Variants in LRRC4C observed in about 807,000 individuals in gnomAD.
LRRC4C encodes leucine-rich repeat-containing protein 4C.
In LRRC4C, 5 loss-of-function variants were observed where a neutral mutation model predicts 33.6. The observed-to-expected ratio is 0.15, with a 90% CI of 0.08 to 0.31. The LOEUF is 0.31. Among genes scored for constraint, LRRC4C ranks in the 10% least tolerant of loss-of-function variants. The pLI is 1.00. For synonymous variants in LRRC4C, 329 were observed against 302.0 expected, an observed-to-expected ratio of 1.09 and a Z score of -0.93; for missense variants, 560 against 796.7, an observed-to-expected ratio of 0.70 and a Z score of 3.58.
In LRRC4C at chr11:40,455,701, A is replaced by C. The variant is rs1246881541; in HGVS notation, c.-269-135980T>G. ...GCAGACATTGTTGCCTTCAGAATTC[A>C]TCAAAACCATGTATGTGTCTCTGCT... On this transcript the variant is annotated intron_variant, in intron 3 of 6. Transcript: ENST00000528697. Among the ~76,000 whole-genome samples, 4 of 152,132 alleles carry C rather than the reference A, an allele frequency of 2.6e-5. No homozygotes were observed. In the South Asian group the frequency reaches 6.2e-4, roughly 24 times the overall value.
intron 3 of LRRC4C, among the ~76,000 whole-genome samples, chr11:40,322,191 A>G (rs1945881773): frequency 1.3e-5 from 2 of 152,298 alleles, no homozygotes; most frequent in Admixed American, 6.5e-5. Context: ...CCAGCTTCTC[A>G]ATGGTAGCAC....
chr11:40,296,964 G>A (rs1008457834), intron 4 of LRRC4C, among the ~76,000 whole-genome samples: 4 of 152,122 alleles, frequency 2.6e-5, no homozygotes, highest in Non-Finnish European at 4.4e-5. Flanking sequence ...TTTGTTCTAC[G>A]GACATGCAGA....
chr11:41,398,537 G>C (rs911826690), intron 1 of LRRC4C, among the ~76,000 whole-genome samples: 4 of 151,838 alleles, frequency 2.6e-5, no homozygotes, highest in African/African-American at 9.7e-5. Context: ...ATGCAAACAG[G>C]AATGGTTTCC....
At chr11:40,344,171 TA>T (rs1947012507) in intron 3 of LRRC4C, among the ~76,000 whole-genome samples, 1 of 152,078 alleles carries the variant, frequency 6.6e-6, no homozygotes, top group South Asian at 2.1e-4. Flanking sequence ...ATCATCTTGA[TA>T]CCAAAACCTG....
chr11:41,456,976 G>A (rs1956188749), intron 1 of LRRC4C, among the ~76,000 whole-genome samples: 1 of 152,168 alleles, frequency 6.6e-6, no homozygotes. Context: ...AGAAAATCCT[G>A]AGTTGGCCCC....
At chr11:40,786,597 C>T (rs1262522803) in intron 2 of LRRC4C, among the ~76,000 whole-genome samples, 1 of 152,144 alleles carries the variant, frequency 6.6e-6, no homozygotes, top group African/African-American at 2.4e-5. Flanking sequence ...GCTACTACCA[C>T]AGTAGGATTC....
intron 1 of LRRC4C, among the ~76,000 whole-genome samples, chr11:41,075,497 T>C (rs982116669): frequency 2.0e-5 from 3 of 152,110 alleles, no homozygotes; most frequent in Admixed American, 6.6e-5. Context: ...ACCTCTCCAC[T>C]CAAGGCCTTC....
At chr11:40,682,537 A>C (rs1468277805) in intron 2 of LRRC4C, among the ~76,000 whole-genome samples, 1 of 152,050 alleles carries the variant, frequency 6.6e-6, no homozygotes, top group Non-Finnish European at 1.5e-5. Flanking sequence ...GCACTTTGGG[A>C]GGCCGAGGCA....
intron 3 of LRRC4C, among the ~76,000 whole-genome samples, chr11:40,459,297 T>C (rs1023764181): frequency 3.3e-5 from 5 of 152,182 alleles, no homozygotes; most frequent in Admixed American, 1.3e-4. Flanking sequence ...TGCAATTTAT[T>C]TGAAAGATCT....
Position 41,333,877 on chromosome 11 carries a change from A to G in LRRC4C, c.-496+125554T>C, listed in dbSNP as rs1327665075. 3.9e-5 allele frequency among the ~76,000 whole-genome samples: 6 copies of G among 152,186 alleles called. No homozygotes were observed. In the East Asian group the frequency reaches 1.2e-3, roughly 29 times the overall value. ...TATGTGTCAATCTATAACAATAAGC[A>G]AGCAGAGAAACATTTGTTTAAAAAG... On this transcript the variant is annotated intron_variant, in intron 1 of 6. Transcript: ENST00000528697.
chr11:41,239,757 T>C (rs1044378690), intron 1 of LRRC4C, among the ~76,000 whole-genome samples: 2 of 152,236 alleles, frequency 1.3e-5, no homozygotes, highest in East Asian at 3.8e-4. Context: ...ATTTTGTATA[T>C]ATATTGTATC....
At chr11:40,424,781 T>G (rs1950652036) in intron 3 of LRRC4C, among the ~76,000 whole-genome samples, 1 of 152,176 alleles carries the variant, frequency 6.6e-6, no homozygotes, top group Admixed American at 6.5e-5. Context: ...GCACAAAATA[T>G]TTTTTGGATA....
chr11:40,648,634 G>A (rs1942604575), intron 2 of LRRC4C, among the ~76,000 whole-genome samples: 1 of 152,154 alleles, frequency 6.6e-6, no homozygotes, highest in Non-Finnish European at 1.5e-5. Context: ...CATCTGAGAT[G>A]TTACCATGGG....
At chr11:40,745,068 A>T (rs538219266) in intron 2 of LRRC4C, among the ~76,000 whole-genome samples, 4 of 152,330 alleles carry the variant, frequency 2.6e-5, no homozygotes, top group African/African-American at 9.6e-5. Flanking sequence ...GTATTACTGT[A>T]AGCCATCACC....
intron 3 of LRRC4C, among the ~76,000 whole-genome samples, chr11:40,487,611 A>G (rs758717167): frequency 3.3e-5 from 5 of 151,512 alleles, no homozygotes; most frequent in Non-Finnish European, 7.4e-5. Flanking sequence ...TCAACTAGTA[A>G]AACAGATTTT....
intron 3 of LRRC4C, among the ~76,000 whole-genome samples, chr11:40,522,234 T>G (rs1955846950): frequency 1.3e-5 from 2 of 152,206 alleles, no homozygotes; most frequent in African/African-American, 4.8e-5. Context: ...CTTGCCATGT[T>G]GGCCAGCCTG....
chr11:40,124,266 A>C (rs190576502), intron 6 of LRRC4C, among the ~76,000 whole-genome samples: 2 of 152,298 alleles, frequency 1.3e-5, no homozygotes, highest in Admixed American at 1.3e-4. Context: ...AAAACTAAAA[A>C]TATAACTATA....
chr11:40,878,848 T>C (rs1372615572), intron 2 of LRRC4C, among the ~76,000 whole-genome samples: 1 of 152,216 alleles, frequency 6.6e-6, no homozygotes, highest in Non-Finnish European at 1.5e-5. Flanking sequence ...GAATTAGAGA[T>C]GCTATTTGCT....
intron 1 of LRRC4C, among the ~76,000 whole-genome samples, chr11:41,090,411 C>T (rs1289640972): frequency 1.3e-5 from 2 of 151,882 alleles, no homozygotes; most frequent in Non-Finnish European, 2.9e-5. Flanking sequence ...ATTGAGCATG[C>T]ACTGCATTTA....
Sources: allele counts gnomAD v4.1 joint callset (sites outside exome capture counted in the v4.1 genomes callset), GRCh38; gene constraint gnomAD v4.1.1; transcripts MANE v1.5; gene names NCBI Gene and HGNC (gene_info 2026-07-23, HGNC 2026-07-21).